Variants in FAM162B observed in about 807,000 individuals in gnomAD.
FAM162B encodes family with sequence similarity 162 member B.
A neutral mutation model predicts 20.0 loss-of-function variants in FAM162B; 16 were observed. The ratio of observed to expected loss-of-function variants is 0.80; its 90% CI spans 0.54 to 1.21. The LOEUF (loss-of-function observed/expected upper bound fraction) is 1.21. FAM162B is among the 50% of genes most tolerant of loss of function. FAM162B has a pLI of 0.00. For missense variants in FAM162B, 260 were observed against 227.5 expected (o/e 1.14, Z -0.92); for synonymous variants, 83 against 89.7 (o/e 0.93, Z 0.42).
At position 116,765,265 on chromosome 6, in the gene FAM162B, A is replaced by C. The variant is rs747851207; in HGVS notation, c.173-10T>G. Reference sequence around the variant, plus strand: ...ACTCGGTGAATCTCCCCTGCAGCGAAAGCAACCCAGATGGACGCGGGAACT... The same window carrying C: ...ACTCGGTGAATCTCCCCTGCAGCGACAGCAACCCAGATGGACGCGGGAACT... On this transcript the variant is annotated splice_polypyrimidine_tract_variant and intron_variant, in intron 1 of 3. Coordinates refer to ENST00000368557, the MANE Select transcript of FAM162B (RefSeq NM_001085480.3). The C allele has an allele frequency of 3.1e-6, 5 of 1,612,898 alleles. No individual in the cohort carries two copies. The highest frequency in any genetic ancestry group is 2.2e-5 in the East Asian group (1 of 44,792).
intron 2 of FAM162B, among the ~76,000 whole-genome samples, chr6:116,764,322 A>C (rs1214772495): frequency 6.6e-6 from 1 of 152,190 alleles, no homozygotes; most frequent in African/African-American, 2.4e-5. Flanking sequence ...GATAAACTTA[A>C]AAAGTAGTAG....
Position 116,758,284 on chromosome 6 carries a change from G to C in FAM162B, c.390+3693C>G, listed in dbSNP as rs977170058. On this transcript the variant is annotated intron_variant, in intron 3 of 3. Transcript: ENST00000368557. ...TGGAAGGAAAGGTCATCAATGGGGAGGACTGTGGAGGTGTAAGGTCTGAAA... is the reference window on the plus strand; with the variant it reads ...TGGAAGGAAAGGTCATCAATGGGGACGACTGTGGAGGTGTAAGGTCTGAAA... Among the ~76,000 whole-genome samples, 3 of 152,174 alleles carry C rather than the reference G, an allele frequency of 2.0e-5. No individual in the cohort carries two copies. In the South Asian group the frequency reaches 6.2e-4, roughly 32 times the overall value.
At chr6:116,756,502 A>G (rs1780053475) in intron 3 of FAM162B, among the ~76,000 whole-genome samples, 1 of 152,364 alleles carries the variant, frequency 6.6e-6, no homozygotes, top group South Asian at 2.1e-4. Flanking sequence ...AAATTAGAAC[A>G]AAGTATTTAG....
chr6:116,759,805 C>G (rs1189506573), intron 3 of FAM162B, among the ~76,000 whole-genome samples: 1 of 152,120 alleles, frequency 6.6e-6, no homozygotes, highest in Non-Finnish European at 1.5e-5. Flanking sequence ...ATACTCCATC[C>G]ACACTAGCTC....
At chr6:116,763,363 A>C (rs1018535137) in intron 2 of FAM162B, among the ~76,000 whole-genome samples, 2 of 152,178 alleles carry the variant, frequency 1.3e-5, no homozygotes, top group African/African-American at 4.8e-5. Flanking sequence ...CTTGTTCATT[A>C]TATGTCCATT....
rs765117057 is a variant in FAM162B, at chr6:116,765,127, G to T, written c.281+20C>A. On this transcript the variant is annotated intron_variant, in intron 2 of 3. Coordinates refer to ENST00000368557, the MANE Select transcript of FAM162B (RefSeq NM_001085480.3). The stretch of plus-strand genomic sequence containing the variant: ...CGGCCGGGGACCGACTCTCCTTCGC[G>T]CGGCGGTCGCCACACTTACGGGATC... 1 of 1,609,704 alleles carries T rather than the reference G, an allele frequency of 6.2e-7. No homozygotes were observed. Among genetic ancestry groups the T allele is most frequent in the Non-Finnish European group, 8.5e-7 (1 of 1,177,874 alleles).
At chr6:116,757,955 G>A (rs567434951) in intron 3 of FAM162B, among the ~76,000 whole-genome samples, 1 of 152,258 alleles carries the variant, frequency 6.6e-6, no homozygotes, top group South Asian at 2.1e-4. Flanking sequence ...TTGCCATAGA[G>A]AAATGCAGCT....
chr6:116,754,648 C>T (rs183706669), intron 3 of FAM162B, among the ~76,000 whole-genome samples: 1 of 152,124 alleles, frequency 6.6e-6, no homozygotes, highest in African/African-American at 2.4e-5. Flanking sequence ...AGGCACATCT[C>T]ATTTTATTGT....
At chr6:116,761,698 ATACT>A (rs1475334270) in intron 3 of FAM162B, among the ~76,000 whole-genome samples, 262 of 146,612 alleles carry the variant, frequency 1.8e-3, no homozygotes, top group African/African-American at 5.6e-3. Flanking sequence ...ACATATATAA[ATACT>A]TATATATATA....
At chr6:116,752,734 A>ATATATATATATATATATATATATG (rs1780006485) in intron 3 of FAM162B, 39 bp from the exon 4 acceptor site, 1 of 564,832 alleles carries the variant, frequency 1.8e-6, no homozygotes, top group African/African-American at 2.6e-5. Flanking sequence ...ATATATATAT[A>ATATATATATATATATATATATATG]GATACACGTA....
In FAM162B at chr6:116,765,442, G is replaced by A. The variant is rs1771892311; in HGVS notation, c.135C>T (p.Ser45=). The change falls in exon 1 of 4, where the codon AGC becomes AGT. Residue 45 remains serine (S), a synonymous_variant. Transcript: ENST00000368557. ...LPPRGLPCYS[S]GGAPSNSGPQ... ...GCCCAGAATTGCTGGGGGCCCCGCC[G>A]CTGGAGTAGCAGGGGAGACCCCGGG... 1 of 1,448,736 alleles carries A rather than the reference G, an allele frequency of 6.9e-7. No individual in the cohort carries two copies. The highest frequency in any genetic ancestry group is 9.1e-7 in the Non-Finnish European group (1 of 1,100,690). 89.7% of individuals were successfully genotyped at this position (1,448,736 alleles called of 1,614,324 possible).
intron 3 of FAM162B, among the ~76,000 whole-genome samples, chr6:116,759,244 T>C (rs72962083): frequency 0.28 from 42,783 of 151,402 alleles, 6,646 homozygotes; most frequent in African/African-American, 0.41. Context: ...TTACGTGCCT[T>C]ACCTTTTTTG....
Position 116,765,445 on chromosome 6 carries a change from G to A in FAM162B, c.132C>T (p.Ser44=). The change falls in exon 1 of 4, where the codon TCC becomes TCT. Residue 44 remains serine (S), a synonymous_variant. Coordinates refer to ENST00000368557, the MANE Select transcript of FAM162B (RefSeq NM_001085480.3). ...CAGAATTGCTGGGGGCCCCGCCGCT[G>A]GAGTAGCAGGGGAGACCCCGGGGCG... The part of the protein sequence containing the change: ...ALPPRGLPCY[S]SGGAPSNSGP... The A allele has an allele frequency of 4.8e-6, 7 of 1,448,054 alleles. No individual in the cohort carries two copies. Among genetic ancestry groups the A allele is most frequent in the Non-Finnish European group, 6.4e-6 (7 of 1,100,580 alleles). The allele number at this position is 1,448,054 out of a possible 1,614,324, so 89.7% of individuals were successfully genotyped here.
At chr6:116,755,844 G>A (rs989616291) in intron 3 of FAM162B, among the ~76,000 whole-genome samples, 2 of 152,166 alleles carry the variant, frequency 1.3e-5, no homozygotes, top group Non-Finnish European at 2.9e-5. Flanking sequence ...AAGCCTGGGT[G>A]ACAGCATATC....
chr6:116,754,741 T>C (rs985481059), intron 3 of FAM162B, among the ~76,000 whole-genome samples: 2 of 152,198 alleles, frequency 1.3e-5, no homozygotes, highest in African/African-American at 4.8e-5. Flanking sequence ...CAACCTTGCA[T>C]GGAACAAGTC....
At chr6:116,756,133 G>A (rs193167851) in intron 3 of FAM162B, among the ~76,000 whole-genome samples, 270 of 152,278 alleles carry the variant, frequency 1.8e-3, no homozygotes, top group Middle Eastern at 3.4e-3. Flanking sequence ...TCCTCTGATG[G>A]ATCTGAGCAA....
At chr6:116,756,491 G>C (rs765780250) in intron 3 of FAM162B, among the ~76,000 whole-genome samples, 1 of 152,210 alleles carries the variant, frequency 6.6e-6, no homozygotes, top group Non-Finnish European at 1.5e-5. Flanking sequence ...GAACATTGGT[G>C]AAATTAGAAC....
At chr6:116,754,787 T>C (rs2114546951) in intron 3 of FAM162B, among the ~76,000 whole-genome samples, 1 of 152,366 alleles carries the variant, frequency 6.6e-6, no homozygotes, top group African/African-American at 2.4e-5. Context: ...TGTGCTCACT[T>C]CGTGTCTCTG....
Position 116,761,650 on chromosome 6 carries a change from A to ATATATATACTTATATACG in FAM162B, c.390+326_390+327insCGTATATAAGTATATATA, listed in dbSNP as rs1780144007. On this transcript the variant is annotated intron_variant, in intron 3 of 3. Transcript: ENST00000368557. ...CATATATATACATATATATACACTT[A>ATATATATACTTATATACG]TATATATACTTATATATATACTTAT... Among the ~76,000 whole-genome samples, 9 of 141,454 alleles carry ATATATATACTTATATACG rather than the reference A, an allele frequency of 6.4e-5. No individual in the cohort carries two copies. In the Admixed American group the frequency reaches 6.6e-4, roughly 10 times the overall value. 92.8% of individuals were successfully genotyped at this position (141,454 alleles called of 152,430 possible).
Sources: allele counts gnomAD v4.1 joint callset (sites outside exome capture counted in the v4.1 genomes callset), GRCh38; gene constraint gnomAD v4.1.1; transcripts MANE v1.5; gene names NCBI Gene and HGNC (gene_info 2026-07-23, HGNC 2026-07-21).